The following SHC3 variants were observed in gnomAD, a reference collection of about 807,000 sequenced individuals.
SHC3 encodes SHC adaptor protein 3.
A neutral mutation model predicts 60.4 loss-of-function variants in SHC3; 15 were observed. That is an observed-to-expected ratio of 0.25 (90% CI 0.17 to 0.38). The LOEUF is 0.38. Among genes scored for constraint, SHC3 ranks in the 10% least tolerant of loss-of-function variants. SHC3 has a pLI of 1.00. For synonymous variants in SHC3, 294 were observed against 325.9 expected (o/e 0.90, Z 1.05); for missense variants, 677 against 786.1 (o/e 0.86, Z 1.66).
chr9:89,092,127 G>A (rs1044546366), intron 2 of SHC3, among the ~76,000 whole-genome samples: 8 of 152,214 alleles, frequency 5.3e-5, no homozygotes, highest in Admixed American at 3.9e-4. Context: ...TGTGAAGAAA[G>A]GGCCACTTTC....
At chr9:89,147,267 G>A (rs533373645) in intron 1 of SHC3, among the ~76,000 whole-genome samples, 1 of 152,106 alleles carries the variant, frequency 6.6e-6, no homozygotes, top group Non-Finnish European at 1.5e-5. Context: ...TGCTGGGTAG[G>A]GCACCAGTGA....
chr9:89,168,391 G>A (rs1250377983), intron 1 of SHC3, among the ~76,000 whole-genome samples: 2 of 152,202 alleles, frequency 1.3e-5, no homozygotes, highest in African/African-American at 4.8e-5. Context: ...CTTGAACCGG[G>A]AGGCAGAGGT....
At chr9:89,121,737 T>C (rs1826095831) in intron 1 of SHC3, among the ~76,000 whole-genome samples, 2 of 152,244 alleles carry the variant, frequency 1.3e-5, no homozygotes, top group South Asian at 2.1e-4. Context: ...ACTTCCAGTA[T>C]TGGAAATGAT....
chr9:89,113,074 G>A (rs1487387457), intron 1 of SHC3, among the ~76,000 whole-genome samples: 1 of 149,456 alleles, frequency 6.7e-6, no homozygotes, highest in East Asian at 1.9e-4. Flanking sequence ...AACATGATAT[G>A]ACCAACATTT....
chr9:89,118,127 TTTC>T (rs924233023), intron 1 of SHC3, among the ~76,000 whole-genome samples: 26 of 152,070 alleles, frequency 1.7e-4, no homozygotes, highest in Non-Finnish European at 3.8e-4. Context: ...AGTCTATACT[TTTC>T]TTCTACATTG....
intron 5 of SHC3, 132 bp from the exon 6 acceptor site, chr9:89,065,712 A>G: frequency 1.2e-6 from 1 of 854,534 alleles, no homozygotes; most frequent in Non-Finnish European, 1.9e-6. Context: ...AATGCTGCCT[A>G]AGAAACAGCC....
chr9:89,154,916 C>T (rs78688401), intron 1 of SHC3, among the ~76,000 whole-genome samples: 3,567 of 152,338 alleles, frequency 0.023, 54 homozygotes, highest in Non-Finnish European at 0.036. Flanking sequence ...GGTATTATGG[C>T]TAAAGCCACG....
intron 1 of SHC3, among the ~76,000 whole-genome samples, chr9:89,135,400 G>A (rs1356082856): frequency 6.6e-6 from 1 of 151,990 alleles, no homozygotes; most frequent in African/African-American, 2.4e-5. Flanking sequence ...ACCCATGGCT[G>A]GGTTTGGCTT....
intron 10 of SHC3, among the ~76,000 whole-genome samples, chr9:89,040,541 A>C (rs1355046620): frequency 1.3e-5 from 2 of 152,114 alleles, no homozygotes; most frequent in African/African-American, 2.4e-5. Context: ...TCCAGGAGTC[A>C]TTGGTAAATT....
At chr9:89,129,786 C>T (rs1826217685) in intron 1 of SHC3, among the ~76,000 whole-genome samples, 2 of 152,154 alleles carry the variant, frequency 1.3e-5, no homozygotes, top group Non-Finnish European at 2.9e-5. Flanking sequence ...ACAACCAGTA[C>T]CAGCCACAGC....
At chr9:89,119,745 C>A (rs1238831306) in intron 1 of SHC3, among the ~76,000 whole-genome samples, 1 of 152,198 alleles carries the variant, frequency 6.6e-6, no homozygotes, top group Non-Finnish European at 1.5e-5. Context: ...TAAGTTCCAA[C>A]AGCACTTTTC....
chr9:89,129,056 C>T (rs750250999), intron 1 of SHC3, among the ~76,000 whole-genome samples: 74 of 152,210 alleles, frequency 4.9e-4, no homozygotes, highest in Admixed American at 1.0e-3. Context: ...GTAGAGAAGA[C>T]CTTAAATGAC....
intron 1 of SHC3, among the ~76,000 whole-genome samples, chr9:89,140,340 C>A (rs535152947): frequency 1.4e-4 from 22 of 152,006 alleles, no homozygotes; most frequent in Non-Finnish European, 2.5e-4. Context: ...CAGATTCCCC[C>A]CCCCAGATTA....
At chr9:89,172,821 T>G (rs1483552766) in intron 1 of SHC3, among the ~76,000 whole-genome samples, 1 of 152,232 alleles carries the variant, frequency 6.6e-6, no homozygotes, top group Admixed American at 6.5e-5. Context: ...CTAACTCTAC[T>G]GCCCTTGGGT....
intron 1 of SHC3, among the ~76,000 whole-genome samples, chr9:89,132,110 C>A (rs1170555242): frequency 1.3e-5 from 2 of 152,124 alleles, no homozygotes; most frequent in African/African-American, 4.8e-5. Flanking sequence ...TCCTCTACAC[C>A]ATTAACAGAC....
chr9:89,116,294 C>T (rs571601592), intron 1 of SHC3, among the ~76,000 whole-genome samples: 68 of 152,274 alleles, frequency 4.5e-4, no homozygotes, highest in African/African-American at 1.6e-3. Context: ...CCACAACAAA[C>T]GTTGCAGAGT....
chr9:89,068,897 G>T (rs902824275), intron 5 of SHC3, among the ~76,000 whole-genome samples: 1 of 152,134 alleles, frequency 6.6e-6, no homozygotes, highest in African/African-American at 2.4e-5. Context: ...GTCAAACTGG[G>T]TTATCCTCCA....
intron 1 of SHC3, among the ~76,000 whole-genome samples, chr9:89,119,616 T>G (rs1182574776): frequency 6.6e-6 from 1 of 151,788 alleles, no homozygotes; most frequent in African/African-American, 2.4e-5. Context: ...GAAAGGTGAG[T>G]GAATAAAAGA....
intron 11 of SHC3, among the ~76,000 whole-genome samples, chr9:89,020,286 G>A (rs971144897): frequency 6.6e-6 from 1 of 151,936 alleles, no homozygotes. Flanking sequence ...AAGATAGGAA[G>A]GGTGGGGGTG....
Sources: gnomAD v4.1 joint callset for allele counts (sites outside exome capture counted in the v4.1 genomes callset) on GRCh38, gnomAD v4.1.1 for gene constraint, MANE v1.5 for transcripts, NCBI Gene and HGNC (gene_info 2026-07-23, HGNC 2026-07-21) for gene names.